The following PSD3 variants were observed in gnomAD, a reference collection of about 807,000 sequenced individuals.
PSD3 encodes pleckstrin and Sec7 domain containing 3.
PSD3 carries 49 observed loss-of-function variants against 105.5 expected under a neutral mutation model. The observed-to-expected ratio is 0.46, with a 90% CI of 0.37 to 0.59. The LOEUF (loss-of-function observed/expected upper bound fraction) is 0.59. Among genes scored for constraint, PSD3 ranks in the 20% least tolerant of loss-of-function variants. The pLI is 0.00. For synonymous variants in PSD3, 557 were observed against 457.8 expected (o/e 1.22, Z -2.77); for missense variants, 1,561 against 1,263.8 (o/e 1.24, Z -3.57).
chr8:19,035,719 T>C (rs1005818037), intron 1 of PSD3, among the ~76,000 whole-genome samples: 1 of 150,594 alleles, frequency 6.6e-6, no homozygotes, highest in African/African-American at 2.4e-5. Flanking sequence ...CATATAGTGA[T>C]GACCAAAATA....
At chr8:19,040,494 C>T (rs967789125) in intron 1 of PSD3, among the ~76,000 whole-genome samples, 5 of 152,212 alleles carry the variant, frequency 3.3e-5, no homozygotes, top group African/African-American at 7.2e-5. Context: ...GCGTGAGCCA[C>T]TGCATTTGGC....
chr8:18,567,488 T>G (rs1037591595), intron 14 of PSD3, among the ~76,000 whole-genome samples: 19 of 152,200 alleles, frequency 1.2e-4, no homozygotes, highest in African/African-American at 4.6e-4. Flanking sequence ...AGCATTCCTT[T>G]TCTTTTAAAG....
intron 2 of PSD3, among the ~76,000 whole-genome samples, chr8:18,902,021 G>T (rs1258245154): frequency 5.3e-5 from 8 of 150,640 alleles, no homozygotes; most frequent in Non-Finnish European, 1.5e-5. Flanking sequence ...AAAGAAAAAA[G>T]AAAAAAAAAG....
chr8:18,998,317 A>G (rs1313782657), intron 1 of PSD3, among the ~76,000 whole-genome samples: 1 of 152,038 alleles, frequency 6.6e-6, no homozygotes, highest in African/African-American at 2.4e-5. Flanking sequence ...CTCTTAACTG[A>G]GAGATGCCCT....
At chr8:19,004,920 C>T (rs1298818450) in intron 1 of PSD3, among the ~76,000 whole-genome samples, 1 of 152,032 alleles carries the variant, frequency 6.6e-6, no homozygotes, top group African/African-American at 2.4e-5. Context: ...TGCCTTCCAC[C>T]ATGATTGTGA....
intron 1 of PSD3, among the ~76,000 whole-genome samples, chr8:19,056,232 A>G (rs951718717): frequency 6.6e-6 from 1 of 152,250 alleles, no homozygotes; most frequent in African/African-American, 2.4e-5. Flanking sequence ...ATAGTCCACA[A>G]AAGAAACCTG....
At chr8:19,044,802 A>G (rs1236186883) in intron 1 of PSD3, among the ~76,000 whole-genome samples, 2 of 143,578 alleles carry the variant, frequency 1.4e-5, no homozygotes, top group Non-Finnish European at 3.0e-5. Flanking sequence ...GATGAATAGG[A>G]GTTTGGTGGA....
chr8:18,733,165 T>A (rs1803893413), intron 9 of PSD3: 1 of 152,196 alleles, frequency 6.6e-6, no homozygotes. Flanking sequence ...GCTCAATGTA[T>A]GTTTTACACA....
chr8:18,907,727 A>G (rs117478889), intron 2 of PSD3, among the ~76,000 whole-genome samples: 6,951 of 152,296 alleles, frequency 0.046, 194 homozygotes, highest in Admixed American at 0.079. Flanking sequence ...TATTTCTCAG[A>G]ACATATACCC....
chr8:18,582,432 A>G (rs553269497), intron 12 of PSD3, among the ~76,000 whole-genome samples: 45 of 152,244 alleles, frequency 3.0e-4, no homozygotes, highest in African/African-American at 1.1e-3. Context: ...GTCTGGCCAC[A>G]TTGCACAGGC....
intron 4 of PSD3, among the ~76,000 whole-genome samples, chr8:18,841,121 A>G (rs62495861): frequency 0.074 from 11,292 of 152,296 alleles, 597 homozygotes; most frequent in African/African-American, 0.15. Flanking sequence ...TTACAACCCA[A>G]ACCACCTACT....
At position 18,937,823 on chromosome 8, in the gene PSD3, GTGGT is replaced by G. The variant is rs1455294370; in HGVS notation, c.22-1685_22-1682del. Among the ~76,000 whole-genome samples the G allele has an allele frequency of 4.6e-5, 7 of 152,342 alleles. No individual in the cohort carries two copies. The East Asian group carries it at 1.4e-3, about 29-fold the overall frequency. ...ACGTAAGGTGCCCTAATTTGGGCAG[GTGGT>G]TAGGGAAAGCTCTCTGAGAAACTAA... On this transcript the variant is annotated intron_variant, in intron 1 of 15. Coordinates refer to ENST00000327040, the MANE Select transcript of PSD3 (RefSeq NM_015310.4).
At position 18,867,917 on chromosome 8, in the gene PSD3, A is replaced by C. The variant is rs1468681110; in HGVS notation, c.1391T>G (p.Leu464Ter). The change falls in exon 4 of 16, where the codon TTA (leucine) becomes TGA (stop). Residue 464 changes from leucine to a stop codon, truncating the protein, a stop_gained. Coordinates refer to ENST00000327040, the MANE Select transcript of PSD3 (RefSeq NM_015310.4). LOFTEE classifies it high-confidence loss of function. ...AAAATAGCTATCAGGCTCTGAGTAT[A>C]ATGTCTCCAGGGACTCTGCACTGTA... ...LYYSAESLET[L>*]YSEPDSYFSF... The C allele has an allele frequency of 6.2e-7, 1 of 1,614,200 alleles. No homozygotes were observed. Among genetic ancestry groups the C allele is most frequent in the South Asian group, 1.1e-5 (1 of 91,082 alleles).
chr8:18,965,437 C>G (rs562841838), intron 1 of PSD3, among the ~76,000 whole-genome samples: 9 of 152,320 alleles, frequency 5.9e-5, no homozygotes, highest in Non-Finnish European at 5.9e-5. Context: ...AGGCCTTGTT[C>G]TCTCATCCCA....
intron 1 of PSD3, among the ~76,000 whole-genome samples, chr8:19,045,120 G>A (rs561710765): frequency 2.0e-5 from 3 of 152,160 alleles, no homozygotes; most frequent in East Asian, 3.9e-4. Context: ...CGGAGGCAGA[G>A]GTTGCAGTGA....
At chr8:18,628,236 T>C (rs1440693645) in intron 11 of PSD3, among the ~76,000 whole-genome samples, 1 of 151,346 alleles carries the variant, frequency 6.6e-6, no homozygotes, top group Non-Finnish European at 1.5e-5. Flanking sequence ...AGAACCCCAA[T>C]AAACACCAAA....
At chr8:18,836,405 T>C (rs759699961) in intron 4 of PSD3, among the ~76,000 whole-genome samples, 2 of 152,222 alleles carry the variant, frequency 1.3e-5, no homozygotes, top group Non-Finnish European at 2.9e-5. Context: ...CATTAACTTA[T>C]GTGGATTTTA....
chr8:18,980,565 A>G (rs1345751259), intron 1 of PSD3, among the ~76,000 whole-genome samples: 1 of 152,158 alleles, frequency 6.6e-6, no homozygotes, highest in African/African-American at 2.4e-5. Context: ...TAGGGTTTAC[A>G]TCTACCATCT....
chr8:18,774,013 A>G (rs1807793962), intron 8 of PSD3, among the ~76,000 whole-genome samples: 1 of 152,120 alleles, frequency 6.6e-6, no homozygotes, highest in South Asian at 2.1e-4. Context: ...TTCACTTTTA[A>G]TGTTCATTGC....
Sources: allele counts gnomAD v4.1 joint callset (sites outside exome capture counted in the v4.1 genomes callset), GRCh38; gene constraint gnomAD v4.1.1; transcripts MANE v1.5; gene names NCBI Gene and HGNC (gene_info 2026-07-23, HGNC 2026-07-21).